Variants in RGS6 observed in about 807,000 individuals in gnomAD.
RGS6 encodes the protein regulator of G protein signaling 6.
In RGS6, 30 loss-of-function variants were observed where a neutral mutation model predicts 78.5. The observed-to-expected ratio is 0.38, with a 90% confidence interval of 0.29 to 0.52. The LOEUF (loss-of-function observed/expected upper bound fraction) is 0.52, where lower values mean the gene tolerates loss of function less well. RGS6 is among the 20% of genes least tolerant of loss of function. The probability of loss-of-function intolerance (pLI) is 0.85; values close to 1 mark genes in which losing one functional copy is unlikely to be tolerated. For missense variants in RGS6, 495 were observed against 609.7 expected, an observed-to-expected ratio of 0.81 and a Z score of 1.98; for synonymous variants, 206 against 206.0, an observed-to-expected ratio of 1.00 and a Z score of 0.00.
intron 2 of RGS6, among the ~76,000 whole-genome samples, chr14:72,167,470 C>T (rs148313067): frequency 4.1e-4 from 62 of 152,338 alleles, no homozygotes; most frequent in African/African-American, 1.4e-3. Context: ...TACACAAGCA[C>T]GTAAACACCA....
chr14:72,131,925 T>C (rs1003912601), intron 2 of RGS6, among the ~76,000 whole-genome samples: 3 of 152,202 alleles, frequency 2.0e-5, no homozygotes, highest in Non-Finnish European at 4.4e-5. Context: ...CTGTCGGTTG[T>C]TTTTTAAAAA....
chr14:72,344,680 C>CA (rs2077662696), intron 2 of RGS6, among the ~76,000 whole-genome samples: 1 of 152,130 alleles, frequency 6.6e-6, no homozygotes, highest in East Asian at 1.9e-4. Context: ...CAGTGGTGAG[C>CA]AAACCACTCT....
At chr14:72,275,943 T>C (rs534205928) in intron 2 of RGS6, among the ~76,000 whole-genome samples, 1 of 152,252 alleles carries the variant, frequency 6.6e-6, no homozygotes, top group South Asian at 2.1e-4. Flanking sequence ...AAAACTTCTC[T>C]CCAACGTCTA....
At chr14:72,533,685 C>T (rs139931448) in intron 15 of RGS6, among the ~76,000 whole-genome samples, 33 of 152,292 alleles carry the variant, frequency 2.2e-4, no homozygotes, top group African/African-American at 7.2e-4. Flanking sequence ...TTCCAGCCCT[C>T]ATGGATGACT....
intron 2 of RGS6, among the ~76,000 whole-genome samples, chr14:72,151,619 T>C (rs569724336): frequency 6.6e-6 from 1 of 152,308 alleles, no homozygotes; most frequent in South Asian, 2.1e-4. Context: ...ACTCTTACAG[T>C]TGACGGGATG....
At chr14:72,584,442 A>G in the RGS6 span, among the ~76,000 whole-genome samples, 1 of 152,184 alleles carries the variant, frequency 6.6e-6, no homozygotes, top group African/African-American at 2.4e-5. Context: ...TAGGGACTGG[A>G]TGGCTACTTT....
intron 15 of RGS6, among the ~76,000 whole-genome samples, chr14:72,531,467 A>G (rs919818948): frequency 8.0e-5 from 12 of 149,726 alleles, no homozygotes; most frequent in African/African-American, 2.7e-4. Context: ...CCAAGTCAGT[A>G]TTTAATTTCA....
At chr14:72,600,355 C>T in the RGS6 span, among the ~76,000 whole-genome samples, 5 of 151,598 alleles carry the variant, frequency 3.3e-5, no homozygotes, top group Non-Finnish European at 7.4e-5. Context: ...CTGTCCCCAG[C>T]GCTAGGCCAG....
rs542384335 is a variant in RGS6 at position 72,018,209 on chromosome 14, A to T, written c.84+53334A>T. On this transcript the variant is annotated intron_variant, in intron 2 of 17. Coordinates refer to ENST00000553525, the MANE Select transcript of RGS6 (RefSeq NM_001204424.2). ...GTCTTTTCTTGTTTGTTTTGTTATT[A>T]AAAAAAATCATGATTGAATGTTGAA... 3.1e-4 allele frequency among the ~76,000 whole-genome samples: 35 copies of T among 114,440 alleles called. 1 individual carries two copies. The highest frequency in any genetic ancestry group is 1.0e-3 in the African/African-American group (30 of 29,700). 75.1% of individuals were successfully genotyped at this position (114,440 alleles called of 152,430 possible). A position where few individuals can be genotyped will look rare whatever the true frequency, so the allele number is the denominator to read the frequency against.
intron 2 of RGS6, among the ~76,000 whole-genome samples, chr14:72,168,736 G>T (rs2096965693): frequency 6.6e-6 from 1 of 152,176 alleles, no homozygotes; most frequent in African/African-American, 2.4e-5. Context: ...CGCTGCTCTA[G>T]AAGGGAGAAG....
intron 15 of RGS6, 42 bp from the exon 16 acceptor site, chr14:72,536,144 T>A (rs750404398): frequency 5.6e-6 from 8 of 1,432,798 alleles, no homozygotes; most frequent in Non-Finnish European, 7.9e-6. Context: ...TAGCACTGGT[T>A]GACAGCCCTT....
At chr14:71,943,480 G>C (rs113606405) in intron 1 of RGS6, among the ~76,000 whole-genome samples, 3 of 152,172 alleles carry the variant, frequency 2.0e-5, no homozygotes, top group Non-Finnish European at 4.4e-5. Context: ...AGGCATTGCT[G>C]TGTTAGTCAA....
chr14:71,889,220 G>A, the RGS6 span, among the ~76,000 whole-genome samples: 2 of 152,154 alleles, frequency 1.3e-5, no homozygotes, highest in African/African-American at 4.8e-5. Context: ...GGACTTTGGT[G>A]TGTTTGACGT....
chr14:72,424,530 G>T (rs2094348907), intron 3 of RGS6, among the ~76,000 whole-genome samples: 1 of 152,078 alleles, frequency 6.6e-6, no homozygotes. Flanking sequence ...TTCTTCCCTT[G>T]CTGGGAGTCT....
intron 3 of RGS6, among the ~76,000 whole-genome samples, chr14:72,370,150 T>A (rs1266936911): frequency 1.4e-5 from 2 of 146,786 alleles, no homozygotes. Context: ...CAAAATCTGG[T>A]AAAAAAAAAA....
intron 2 of RGS6, among the ~76,000 whole-genome samples, chr14:72,342,003 T>C (rs2077102477): frequency 6.6e-6 from 1 of 152,180 alleles, no homozygotes. Context: ...TTGACCTCTC[T>C]GCCGCAGTAA....
At chr14:72,535,370 A>G (rs1240506409) in intron 15 of RGS6, among the ~76,000 whole-genome samples, 1 of 152,114 alleles carries the variant, frequency 6.6e-6, no homozygotes, top group African/African-American at 2.4e-5. Context: ...ACCCAATTGC[A>G]TTATTGCCTG....
chr14:72,280,280 A>C (rs903283765), intron 2 of RGS6, among the ~76,000 whole-genome samples: 3 of 152,200 alleles, frequency 2.0e-5, no homozygotes, highest in Non-Finnish European at 4.4e-5. Flanking sequence ...TTTTTAAAAT[A>C]ATAGGGAATA....
At chr14:72,511,070 TAGATGAAGA>T (rs1421885462) in intron 14 of RGS6, among the ~76,000 whole-genome samples, 15 of 152,224 alleles carry the variant, frequency 9.9e-5, no homozygotes, top group African/African-American at 2.9e-4. Flanking sequence ...TTTATGGTAT[TAGATGAAGA>T]ATCAGAAATC....
Sources: allele counts gnomAD v4.1 joint callset (sites outside exome capture counted in the v4.1 genomes callset), GRCh38; gene constraint gnomAD v4.1.1; transcripts MANE v1.5; gene names NCBI Gene and HGNC (gene_info 2026-07-23, HGNC 2026-07-21).